The following ZMAT5 variants were observed in gnomAD, a reference collection of about 807,000 sequenced individuals.
ZMAT5 encodes zinc finger matrin-type protein 5.
Under a neutral mutation model 28.0 loss-of-function variants are expected in ZMAT5, and 23 were observed. That is an observed-to-expected ratio of 0.82 (90% CI 0.59 to 1.16). ZMAT5 has a LOEUF of 1.16. Among genes scored for constraint, ZMAT5 ranks in the 50% most tolerant of loss-of-function variants. ZMAT5 has a pLI of 0.00. For missense variants in ZMAT5, 173 were observed against 212.7 expected (o/e 0.81, Z 1.16); for synonymous variants, 76 against 84.1 (o/e 0.90, Z 0.52).
intron 1 of ZMAT5, among the ~76,000 whole-genome samples, chr22:29,760,368 T>G (rs1051490040): frequency 1.6e-5 from 2 of 128,118 alleles, no homozygotes; most frequent in African/African-American, 5.8e-5. Context: ...GACAGACTCC[T>G]CTGTCTCAAA....
chr22:29,747,964 C>T (rs1051780730), intron 2 of ZMAT5: 29 of 259,020 alleles, frequency 1.1e-4, no homozygotes, highest in African/African-American at 6.4e-4. Context: ...ACCCCCCCAC[C>T]TCCGCCCCCT....
intron 1 of ZMAT5, chr22:29,758,794 A>G (rs998106541): frequency 2.0e-5 from 3 of 152,520 alleles, no homozygotes; most frequent in African/African-American, 4.8e-5. Context: ...TGACTAACTG[A>G]TCACAACCAG....
chr22:29,751,509 A>C (rs2068055094), intron 1 of ZMAT5, among the ~76,000 whole-genome samples: 1 of 152,200 alleles, frequency 6.6e-6, no homozygotes. Flanking sequence ...TGAAAGCTCT[A>C]TATGCATCAT....
At chr22:29,765,910 TA>T (rs2068206124) in intron 1 of ZMAT5, among the ~76,000 whole-genome samples, 1 of 152,140 alleles carries the variant, frequency 6.6e-6, no homozygotes, top group African/African-American at 2.4e-5. Context: ...TCTACTACAA[TA>T]ACTTCCCCCT....
At chr22:29,765,135 T>A (rs548777719) in intron 1 of ZMAT5, among the ~76,000 whole-genome samples, 1 of 152,206 alleles carries the variant, frequency 6.6e-6, no homozygotes, top group African/African-American at 2.4e-5. Context: ...AACTTAGATG[T>A]CAGCTGGACG....
chr22:29,743,719 A>T (rs2067985222), intron 2 of ZMAT5, among the ~76,000 whole-genome samples: 1 of 152,248 alleles, frequency 6.6e-6, no homozygotes. Flanking sequence ...GGCGTGAGCC[A>T]CTGTGCCCAG....
At position 29,763,718 on chromosome 22, in the gene ZMAT5, T is replaced by G. The variant is rs5763471; in HGVS notation, c.-28+3154A>C. Among the ~76,000 whole-genome samples, 350 of 152,276 alleles carry G rather than the reference T, an allele frequency of 2.3e-3. 5 individuals carry two copies. In the East Asian group the frequency reaches 0.042, roughly 18 times the overall value. ...TGGGTGGATCAGTTGAGCTCAGTAATTTGAGACCAGCCTGGCCAACATGGT... is the reference window on the plus strand; with the variant it reads ...TGGGTGGATCAGTTGAGCTCAGTAAGTTGAGACCAGCCTGGCCAACATGGT... On this transcript the variant is annotated intron_variant, in intron 1 of 5. Transcript: ENST00000344318.
chr22:29,756,752 A>AT (rs200973514), intron 1 of ZMAT5, among the ~76,000 whole-genome samples: 7 of 151,852 alleles, frequency 4.6e-5, no homozygotes, highest in African/African-American at 1.2e-4. Context: ...CCACAAAAAA[A>AT]TTTTTTTTAA....
At chr22:29,734,527 C>A (rs140107) in intron 5 of ZMAT5, among the ~76,000 whole-genome samples, 57,274 of 152,084 alleles carry the variant, frequency 0.38, 12,323 homozygotes, top group East Asian at 0.59. Context: ...AGCCTAAATG[C>A]TCATTCATGC....
chr22:29,748,247 G>A, intron 2 of ZMAT5, 171 bp downstream of exon 2: 1 of 876,326 alleles, frequency 1.1e-6, no homozygotes, highest in Admixed American at 2.1e-5. Context: ...GTTGGGGAAA[G>A]AGCTCACCTA....
chr22:29,739,023 AAGAGAG>A (rs201517598), intron 4 of ZMAT5, among the ~76,000 whole-genome samples: 1 of 150,416 alleles, frequency 6.6e-6, no homozygotes, highest in Non-Finnish European at 1.5e-5. Context: ...AAAAAAAAAA[AAGAGAG>A]AGAGAGCCTG....
chr22:29,731,536 A>G (rs1601711387), intron 5 of ZMAT5, 182 bp from the exon 6 acceptor site: 2 of 688,012 alleles, frequency 2.9e-6, no homozygotes, highest in East Asian at 6.9e-5. Flanking sequence ...ACCTCTAGGA[A>G]CTGAGCCCAA....
In ZMAT5 at chr22:29,742,496, G is replaced by A; in HGVS notation, c.128-16C>T. Reference sequence around the variant, plus strand: ...GCAGCTGCATCTGCGAGAGAAGAGAGGGACGGGATTCGGATGGTTCAGGCT... The same window carrying A: ...GCAGCTGCATCTGCGAGAGAAGAGAAGGACGGGATTCGGATGGTTCAGGCT... On this transcript the variant is annotated splice_polypyrimidine_tract_variant and intron_variant, in intron 2 of 5. Coordinates refer to ENST00000344318, the MANE Select transcript of ZMAT5 (RefSeq NM_001003692.2). 3 of 1,611,594 alleles carry A rather than the reference G, an allele frequency of 1.9e-6. No homozygotes were observed. Among genetic ancestry groups the A allele is most frequent in the Non-Finnish European group, 2.5e-6 (3 of 1,179,754 alleles).
intron 2 of ZMAT5, among the ~76,000 whole-genome samples, chr22:29,743,989 C>T (rs1175976049): frequency 2.0e-5 from 3 of 152,304 alleles, no homozygotes; most frequent in South Asian, 2.1e-4. Flanking sequence ...CATATGACCA[C>T]GTGCAAGCTG....
chr22:29,748,085 G>A (rs1050110340), intron 2 of ZMAT5: 26 of 370,640 alleles, frequency 7.0e-5, no homozygotes, highest in South Asian at 3.7e-4. Flanking sequence ...CTCCTGCTCC[G>A]AGAGCCCTGG....
chr22:29,748,901 T>G (rs2068033383), intron 1 of ZMAT5, among the ~76,000 whole-genome samples: 1 of 152,178 alleles, frequency 6.6e-6, no homozygotes, highest in Admixed American at 6.5e-5. Flanking sequence ...AGCCCCCACC[T>G]CCTGGGTTCA....
chr22:29,759,658 T>C (rs763488371), intron 1 of ZMAT5, among the ~76,000 whole-genome samples: 3 of 151,994 alleles, frequency 2.0e-5, no homozygotes, highest in South Asian at 2.1e-4. Context: ...TAGTCCTTGC[T>C]ACTCAAGATG....
chr22:29,742,201 T>C (rs1326916095), intron 3 of ZMAT5, among the ~76,000 whole-genome samples: 1 of 152,184 alleles, frequency 6.6e-6, no homozygotes, highest in Non-Finnish European at 1.5e-5. Flanking sequence ...TGAGCTGATA[T>C]AATCACATTC....
chr22:29,732,775 A>G (rs1319237105), intron 5 of ZMAT5, among the ~76,000 whole-genome samples: 2 of 150,090 alleles, frequency 1.3e-5, no homozygotes, highest in Non-Finnish European at 3.0e-5. Context: ...ACACATGCAC[A>G]TCCACATCCA....
Sources: gnomAD v4.1 joint callset for allele counts (sites outside exome capture counted in the v4.1 genomes callset) on GRCh38, gnomAD v4.1.1 for gene constraint, MANE v1.5 for transcripts, NCBI Gene and HGNC (gene_info 2026-07-23, HGNC 2026-07-21) for gene names.